VOPP1: variants seen among roughly 807,000 people sequenced by gnomAD.
VOPP1 encodes the protein VOPP1 WW domain binding protein.
In VOPP1, 8 loss-of-function variants were observed where a neutral mutation model predicts 23.5. The ratio of observed to expected loss-of-function variants is 0.34; its 90% confidence interval spans 0.20 to 0.61. The LOEUF is 0.61. Among genes scored for constraint, VOPP1 ranks in the 20% least tolerant of loss-of-function variants. VOPP1 has a pLI of 0.78. For synonymous variants in VOPP1, 83 were observed against 97.3 expected (o/e 0.85, Z 0.86); for missense variants, 174 against 238.1 (o/e 0.73, Z 1.77).
chr7:55,452,659 T>C (rs575487162), intron 4 of VOPP1, among the ~76,000 whole-genome samples: 3 of 152,328 alleles, frequency 2.0e-5, no homozygotes, highest in Admixed American at 1.3e-4. Flanking sequence ...AAAACAACAA[T>C]AATCTTCTAT....
chr7:55,564,539 A>G (rs1007432888), intron 1 of VOPP1, among the ~76,000 whole-genome samples: 12 of 152,202 alleles, frequency 7.9e-5, no homozygotes, highest in Non-Finnish European at 1.5e-4. Context: ...GGCAGAAATT[A>G]AGAGCCAACT....
At chr7:55,548,771 T>A (rs114376785) in intron 1 of VOPP1, among the ~76,000 whole-genome samples, 1 of 152,246 alleles carries the variant, frequency 6.6e-6, no homozygotes, top group African/African-American at 2.4e-5. Context: ...CTGGGAAATA[T>A]AGTCCATAAT....
intron 1 of VOPP1, chr7:55,538,498 C>T (rs1197434545): frequency 1.1e-6 from 1 of 939,154 alleles, no homozygotes; most frequent in Non-Finnish European, 1.5e-6. Context: ...ACACAAACCA[C>T]ACAAAAAGAA....
At chr7:55,456,708 C>T (rs1406956550) in intron 4 of VOPP1, among the ~76,000 whole-genome samples, 2 of 152,058 alleles carry the variant, frequency 1.3e-5, no homozygotes, top group East Asian at 3.9e-4. Context: ...AACAGAAAAC[C>T]GAACACCGCA....
At chr7:55,529,891 T>C (rs1385965218) in intron 1 of VOPP1, among the ~76,000 whole-genome samples, 1 of 152,260 alleles carries the variant, frequency 6.6e-6, no homozygotes, top group African/African-American at 2.4e-5. Flanking sequence ...CAGCAATTCA[T>C]TCCTTTCTAG....
intron 1 of VOPP1, among the ~76,000 whole-genome samples, chr7:55,558,266 G>A (rs1797875316): frequency 6.6e-6 from 1 of 151,984 alleles, no homozygotes. Context: ...AGAGGCTTAT[G>A]GCATAAATTG....
At chr7:55,442,925 C>G (rs150402169) in intron 4 of VOPP1, among the ~76,000 whole-genome samples, 9,101 of 151,312 alleles carry the variant, frequency 0.06, 803 homozygotes, top group African/African-American at 0.19. Flanking sequence ...GACCATCCTG[C>G]CTAACACAGT....
chr7:55,438,338 C>T (rs575578511), intron 4 of VOPP1, among the ~76,000 whole-genome samples: 5 of 152,162 alleles, frequency 3.3e-5, no homozygotes, highest in Admixed American at 1.3e-4. Flanking sequence ...AGAAAACAGG[C>T]GAAGACACTC....
rs1290661367 is a variant in VOPP1 at position 55,572,450 on chromosome 7, C to A, written c.-126G>T. The A allele has an allele frequency of 3.3e-5, 20 of 604,844 alleles. 1 individual carries two copies. In the East Asian group the frequency reaches 2.4e-3, roughly 72 times the overall value. 37.5% of individuals were successfully genotyped at this position (604,844 alleles called of 1,614,324 possible). ...CCGTCCCGCCGACCGCTGGGGGGCCCGGCTGGGAGCGGGCGGGAGCCGGGG... is the reference window on the plus strand; with the variant it reads ...CCGTCCCGCCGACCGCTGGGGGGCCAGGCTGGGAGCGGGCGGGAGCCGGGG... On this transcript the variant is annotated 5_prime_UTR_variant, in exon 1 of 5. Transcript: ENST00000285279.
At chr7:55,538,788 G>A (rs1796960679) in intron 1 of VOPP1, 2 of 549,850 alleles carry the variant, frequency 3.6e-6, no homozygotes, top group Non-Finnish European at 6.0e-6. Flanking sequence ...AGCTGCTGAT[G>A]AGGAAACATC....
At chr7:55,534,659 A>C (rs996514227) in intron 1 of VOPP1, among the ~76,000 whole-genome samples, 6 of 152,182 alleles carry the variant, frequency 3.9e-5, no homozygotes, top group African/African-American at 1.4e-4. Context: ...TCCTGCCCAC[A>C]AAAGAACACC....
At chr7:55,557,672 C>A (rs1797855470) in intron 1 of VOPP1, among the ~76,000 whole-genome samples, 1 of 152,108 alleles carries the variant, frequency 6.6e-6, no homozygotes, top group Admixed American at 6.5e-5. Flanking sequence ...GTAACTCTGC[C>A]CAGCCACAAC....
intron 4 of VOPP1, among the ~76,000 whole-genome samples, chr7:55,454,766 C>T (rs943998236): frequency 2.6e-5 from 4 of 152,162 alleles, no homozygotes; most frequent in Non-Finnish European, 5.9e-5. Flanking sequence ...ATGATAAAAA[C>T]TCTCAATAAA....
At chr7:55,515,939 T>C (rs975907564) in intron 2 of VOPP1, 58 of 984,520 alleles carry the variant, frequency 5.9e-5, no homozygotes, top group Non-Finnish European at 6.9e-5. Flanking sequence ...TTCCTACCTT[T>C]ATCTTCTCAT....
intron 4 of VOPP1, among the ~76,000 whole-genome samples, chr7:55,481,338 G>C (rs576928135): frequency 6.6e-6 from 1 of 152,328 alleles, no homozygotes; most frequent in East Asian, 1.9e-4. Context: ...GGCACAGTGG[G>C]CCCATGAGAG....
At chr7:55,526,051 C>T (rs1796174293) in intron 1 of VOPP1, among the ~76,000 whole-genome samples, 3 of 152,204 alleles carry the variant, frequency 2.0e-5, no homozygotes, top group African/African-American at 7.2e-5. Context: ...AACAGCAGCC[C>T]TGCATGAGCA....
At chr7:55,451,683 C>G (rs1791247868) in intron 4 of VOPP1, among the ~76,000 whole-genome samples, 2 of 152,148 alleles carry the variant, frequency 1.3e-5, no homozygotes, top group South Asian at 4.1e-4. Context: ...CCCAGCTATT[C>G]AGGAGGCTGA....
At chr7:55,532,260 T>A (rs1179520621) in intron 1 of VOPP1, among the ~76,000 whole-genome samples, 1 of 152,238 alleles carries the variant, frequency 6.6e-6, no homozygotes, top group African/African-American at 2.4e-5. Flanking sequence ...GCCGCATGCC[T>A]GCTTCTGTGC....
At chr7:55,559,337 C>T (rs1797909314) in intron 1 of VOPP1, among the ~76,000 whole-genome samples, 2 of 152,160 alleles carry the variant, frequency 1.3e-5, no homozygotes, top group Non-Finnish European at 2.9e-5. Context: ...GGATGCCTAC[C>T]CTTCCCATCT....
Sources: gnomAD v4.1 joint callset for allele counts (sites outside exome capture counted in the v4.1 genomes callset) on GRCh38, gnomAD v4.1.1 for gene constraint, MANE v1.5 for transcripts, NCBI Gene and HGNC (gene_info 2026-07-23, HGNC 2026-07-21) for gene names.